The following MGA variants were observed in gnomAD, a reference collection of about 807,000 sequenced individuals.
MGA encodes MAX gene-associated protein.
A neutral mutation model predicts 261.1 loss-of-function variants in MGA; 40 were observed. The observed-to-expected ratio is 0.15, with a 90% CI of 0.12 to 0.20. The LOEUF (loss-of-function observed/expected upper bound fraction) is 0.20. Ranked by LOEUF, MGA falls within the 10% of genes least tolerant of loss-of-function variation. The pLI, the probability that MGA is intolerant of heterozygous loss-of-function variation, is 1.00. For synonymous variants in MGA, 1,302 were observed against 1,290.6 expected (o/e 1.01, Z -0.19); for missense variants, 3,397 against 3,630.5 (o/e 0.94, Z 1.65).
chr15:41,623,572 C>T (rs1199400904), intron 1 of MGA, among the ~76,000 whole-genome samples: 1 of 151,824 alleles, frequency 6.6e-6, no homozygotes, highest in African/African-American at 2.4e-5. Flanking sequence ...TGGAAAAACC[C>T]CGTCTCGACT....
At chr15:41,729,474 C>A in intron 11 of MGA, 125 bp downstream of exon 11, 1 of 901,234 alleles carries the variant, frequency 1.1e-6, no homozygotes, top group Non-Finnish European at 1.7e-6. Context: ...ACATGTATAA[C>A]AGTTTATTTC....
At chr15:41,688,550 T>G (rs1013462364) in intron 2 of MGA, among the ~76,000 whole-genome samples, 3 of 152,214 alleles carry the variant, frequency 2.0e-5, no homozygotes, top group African/African-American at 7.2e-5. Context: ...ATCCACTGTT[T>G]TAACCTTTGG....
chr15:41,672,867 C>T, intron 2 of MGA, among the ~76,000 whole-genome samples: 1 of 22,342 alleles, frequency 4.5e-5, no homozygotes, highest in South Asian at 2.1e-3. Flanking sequence ...CATGCGTGTG[C>T]ACACACACAC....
chr15:41,744,514 A>G (rs1312686378), intron 15 of MGA, among the ~76,000 whole-genome samples: 2 of 152,116 alleles, frequency 1.3e-5, no homozygotes, highest in Non-Finnish European at 2.9e-5. Flanking sequence ...ACAATATTAA[A>G]TGTGTCTGTC....
chr15:41,749,971 A>G lies in MGA; in HGVS notation c.6364A>G (p.Asn2122Asp), dbSNP rs1383283083. 3 of 1,612,350 alleles carry G rather than the reference A, an allele frequency of 1.9e-6. No homozygotes were observed. In the Admixed American group the frequency reaches 5.0e-5, roughly 27 times the overall value. The change falls in exon 17 of 24, where the codon AAT becomes GAT. Residue 2122 changes from asparagine (N) to aspartate (D), a missense_variant. Transcript: ENST00000219905. ...GGTGGAACAGCAGAAAGGATTTGACAATCCAGAAGAAAACTCAAGTGAATT... is the reference window on the plus strand; with the variant it reads ...GGTGGAACAGCAGAAAGGATTTGACGATCCAGAAGAAAACTCAAGTGAATT...
rs1394892385 is a variant in MGA, at chr15:41,736,018, T to C, written c.3917-163T>C. Among the ~76,000 whole-genome samples the C allele has an allele frequency of 2.0e-5, 3 of 152,328 alleles. No homozygotes were observed. In the South Asian group the frequency reaches 6.2e-4, roughly 32 times the overall value. On this transcript the variant is annotated intron_variant, in intron 12 of 23. Coordinates refer to ENST00000219905, the MANE Select transcript of MGA (RefSeq NM_001164273.2). Reference sequence around the variant, plus strand: ...ATTGTAGTCTTATTCTCTGGAACTTTTTCTTCCTGGAAAACTCCCAAATTG... The same window carrying C: ...ATTGTAGTCTTATTCTCTGGAACTTCTTCTTCCTGGAAAACTCCCAAATTG...
At chr15:41,630,724 G>A (rs539901138) in intron 1 of MGA, among the ~76,000 whole-genome samples, 2 of 152,208 alleles carry the variant, frequency 1.3e-5, no homozygotes, top group East Asian at 3.9e-4. Context: ...TCCTTCACTT[G>A]CCCACTTTTC....
intron 1 of MGA, among the ~76,000 whole-genome samples, chr15:41,646,511 G>T (rs1370529664): frequency 6.6e-6 from 1 of 151,724 alleles, no homozygotes; most frequent in African/African-American, 2.4e-5. Context: ...AGTTGGAGGG[G>T]GAAGTTCTGC....
At chr15:41,709,671 A>G (rs1405285377) in intron 7 of MGA, among the ~76,000 whole-genome samples, 1 of 151,982 alleles carries the variant, frequency 6.6e-6, no homozygotes, top group African/African-American at 2.4e-5. Flanking sequence ...CCTGAGCTCA[A>G]GAAATCCACC....
chr15:41,635,284 A>G (rs1284958723), intron 1 of MGA, among the ~76,000 whole-genome samples: 1 of 152,168 alleles, frequency 6.6e-6, no homozygotes, highest in African/African-American at 2.4e-5. Context: ...CAGTGAGTCG[A>G]GGTCCTACCA....
Position 41,750,222 on chromosome 15 carries a change from A to G in MGA, c.6615A>G (p.Thr2205=). Reference sequence around the variant, plus strand: ...CAGACGAGCAGTTAATTAAAGAAACAAAGACATGTCAGGAAAATTCAGATG... The same window carrying G: ...CAGACGAGCAGTTAATTAAAGAAACGAAGACATGTCAGGAAAATTCAGATG... The change falls in exon 17 of 24, where the codon ACA becomes ACG. Residue 2205 remains threonine (T), a synonymous_variant. Transcript: ENST00000219905. 6.2e-7 allele frequency: 1 copy of G among 1,614,000 alleles called. No homozygotes were observed. The highest frequency in any genetic ancestry group is 8.5e-7 in the Non-Finnish European group (1 of 1,179,884).
intron 15 of MGA, among the ~76,000 whole-genome samples, chr15:41,747,247 A>G (rs1308539411): frequency 6.6e-6 from 1 of 152,122 alleles, no homozygotes; most frequent in Non-Finnish European, 1.5e-5. Flanking sequence ...CTGAAAAATA[A>G]TTCCCACAAA....
At chr15:41,679,725 TG>T (rs1004777939) in intron 2 of MGA, among the ~76,000 whole-genome samples, 4 of 151,912 alleles carry the variant, frequency 2.6e-5, no homozygotes, top group Admixed American at 6.6e-5. Flanking sequence ...TGTTGTGTTG[TG>T]GGGGGGACTG....
intron 19 of MGA, among the ~76,000 whole-genome samples, chr15:41,758,695 C>T (rs1028496046): frequency 1.3e-5 from 2 of 152,100 alleles, no homozygotes; most frequent in Admixed American, 1.3e-4. Flanking sequence ...GCTTTTCTTT[C>T]TGTCTTCTTG....
chr15:41,767,120 G>A lies in MGA; in HGVS notation c.9038G>A (p.Cys3013Tyr), dbSNP rs751353995. The A allele has an allele frequency of 2.5e-6, 4 of 1,613,960 alleles. No individual in the cohort carries two copies. In the South Asian group the frequency reaches 4.4e-5, roughly 18 times the overall value. The change falls in exon 24 of 24, where the codon TGT becomes TAT. Residue 3013 changes from cysteine (C) to tyrosine (Y), a missense_variant. This residue lies in a region of MGA where 647 missense variants were observed against 642.4 expected (regional missense o/e 1.01). Coordinates refer to ENST00000219905, the MANE Select transcript of MGA (RefSeq NM_001164273.2). ...GGTCAGAGTCTCAAGGTGATGCCTT[G>A]TTTGGCACCTATAGCTGCCAAAGTT...
rs570695907 is a variant in MGA at position 41,733,030 on chromosome 15, T to C, written c.3844-1492T>C. ...CTGGAGTGCAGTGGCGCTGTCTTGG[T>C]TCACTGCAACCACCGTCTCTGGGGT... On this transcript the variant is annotated intron_variant, in intron 11 of 23. Coordinates refer to ENST00000219905, the MANE Select transcript of MGA (RefSeq NM_001164273.2). Among the ~76,000 whole-genome samples, 7 of 152,118 alleles carry C rather than the reference T, an allele frequency of 4.6e-5. No homozygotes were observed. The East Asian group carries it at 1.4e-3, about 29-fold the overall frequency.
intron 2 of MGA, among the ~76,000 whole-genome samples, chr15:41,690,427 G>T (rs1418516598): frequency 6.6e-6 from 1 of 152,134 alleles, no homozygotes; most frequent in Admixed American, 6.5e-5. Context: ...GTTTTTTGGT[G>T]TTGAAAAGAC....
Position 41,766,827 on chromosome 15 carries a change from A to G in MGA, c.8745A>G (p.Gln2915=). 1 of 1,613,978 alleles carries G rather than the reference A, an allele frequency of 6.2e-7. No individual in the cohort carries two copies. The highest frequency in any genetic ancestry group is 8.5e-7 in the Non-Finnish European group (1 of 1,179,884). ...ATGACTTTTCTGAGAATGAAAAACA[A>G]CTTGCAGAACCAGCCTCTGAGCCAG... The change falls in exon 24 of 24, where the codon CAA becomes CAG. Residue 2915 remains glutamine (Q), a synonymous_variant. Coordinates refer to ENST00000219905, the MANE Select transcript of MGA (RefSeq NM_001164273.2).
At chr15:41,662,025 C>G (rs1306856194) in intron 1 of MGA, among the ~76,000 whole-genome samples, 1 of 151,710 alleles carries the variant, frequency 6.6e-6, no homozygotes, top group Non-Finnish European at 1.5e-5. Context: ...GTTTGTGGGT[C>G]ATTAATAGTC....
Sources: gnomAD v4.1 joint callset for allele counts (sites outside exome capture counted in the v4.1 genomes callset) on GRCh38, gnomAD v4.1.1 for gene constraint, gnomAD v4.1.1 regional missense constraint, MANE v1.5 for transcripts, NCBI Gene and HGNC (gene_info 2026-07-23, HGNC 2026-07-21) for gene names.